RFX3: variants seen among roughly 807,000 people sequenced by gnomAD.
The protein encoded by RFX3 is transcription factor RFX3.
A neutral mutation model predicts 98.6 loss-of-function variants in RFX3; 14 were observed. The ratio of observed to expected loss-of-function variants is 0.14; its 90% CI spans 0.09 to 0.22. RFX3 has a LOEUF of 0.22. RFX3 is among the 10% of genes least tolerant of loss of function. RFX3 has a pLI of 1.00. For missense variants in RFX3, 639 were observed against 926.9 expected, an observed-to-expected ratio of 0.69 and a Z score of 4.03; for synonymous variants, 383 against 328.4, an observed-to-expected ratio of 1.17 and a Z score of -1.80.
chr9:3,388,118 G>A (rs929968479), intron 2 of RFX3, among the ~76,000 whole-genome samples: 14 of 152,022 alleles, frequency 9.2e-5, no homozygotes, highest in African/African-American at 3.4e-4. Context: ...TTTCTTACTG[G>A]TTGTAACGAC....
intron 1 of RFX3, among the ~76,000 whole-genome samples, chr9:3,493,703 ATATATAT>A (rs1564172581): frequency 2.6e-5 from 2 of 76,632 alleles, no homozygotes; most frequent in African/African-American, 1.4e-4. Context: ...AAAAAAAAAT[ATATATAT>A]ATATATATAT....
chr9:3,370,040 C>A (rs13285681), intron 2 of RFX3, among the ~76,000 whole-genome samples: 34,073 of 146,044 alleles, frequency 0.23, 4,715 homozygotes, highest in African/African-American at 0.37. Context: ...ACGGGGTTTC[C>A]CCGTGTTAGC....
At chr9:3,296,685 C>G (rs1586926399) in intron 5 of RFX3, among the ~76,000 whole-genome samples, 1 of 152,018 alleles carries the variant, frequency 6.6e-6, no homozygotes, top group Non-Finnish European at 1.5e-5. Context: ...GAAGGAGGAA[C>G]TGTATTCCTT....
chr9:3,273,019 G>T (rs1824704389), intron 9 of RFX3, among the ~76,000 whole-genome samples: 1 of 152,006 alleles, frequency 6.6e-6, no homozygotes, highest in African/African-American at 2.4e-5. Context: ...TTTCAAAAAA[G>T]ACATTCATAT....
At chr9:3,478,475 T>G (rs1451316687) in intron 1 of RFX3, among the ~76,000 whole-genome samples, 1 of 151,576 alleles carries the variant, frequency 6.6e-6, no homozygotes, top group East Asian at 1.9e-4. Context: ...AAGTCATACC[T>G]GGACCAGTAA....
intron 1 of RFX3, chr9:3,469,288 A>C (rs746276450): frequency 3.0e-6 from 1 of 329,370 alleles, no homozygotes; most frequent in South Asian, 2.5e-5. Flanking sequence ...TTTCATATAC[A>C]TTATTTTCTT....
chr9:3,479,278 T>C (rs753176586), intron 1 of RFX3, among the ~76,000 whole-genome samples: 15 of 152,194 alleles, frequency 9.9e-5, no homozygotes, highest in Non-Finnish European at 1.9e-4. Flanking sequence ...TGTTGTTGTA[T>C]AGGCAGCACA....
At chr9:3,362,214 T>G (rs1836544344) in intron 2 of RFX3, among the ~76,000 whole-genome samples, 1 of 152,228 alleles carries the variant, frequency 6.6e-6, no homozygotes, top group Non-Finnish European at 1.5e-5. Flanking sequence ...TCCTTGCATA[T>G]TCAATGTTAA....
intron 11 of RFX3, among the ~76,000 whole-genome samples, chr9:3,269,716 T>C (rs1824123110): frequency 1.3e-5 from 2 of 152,198 alleles, no homozygotes; most frequent in Admixed American, 1.3e-4. Flanking sequence ...GGGATTACAA[T>C]GCTTGTGTAG....
At chr9:3,472,513 T>G (rs958649932) in intron 1 of RFX3, among the ~76,000 whole-genome samples, 2 of 152,162 alleles carry the variant, frequency 1.3e-5, no homozygotes. Context: ...TTGTTTTACC[T>G]GAAACCAAAA....
At chr9:3,365,172 C>T (rs1203786515) in intron 2 of RFX3, among the ~76,000 whole-genome samples, 1 of 151,826 alleles carries the variant, frequency 6.6e-6, no homozygotes, top group Non-Finnish European at 1.5e-5. Context: ...TGGTGTTGCA[C>T]GCCTGTAGTC....
chr9:3,378,040 AG>A (rs1838744207), intron 2 of RFX3, among the ~76,000 whole-genome samples: 1 of 152,260 alleles, frequency 6.6e-6, no homozygotes, highest in African/African-American at 2.4e-5. Context: ...CAAATATTTA[AG>A]TATCCTGTTC....
chr9:3,356,240 CAG>C (rs1479154818), intron 2 of RFX3, among the ~76,000 whole-genome samples: 4 of 149,350 alleles, frequency 2.7e-5, no homozygotes, highest in African/African-American at 9.9e-5. Context: ...AATATGAAAA[CAG>C]AAAAAAATAA....
intron 4 of RFX3, among the ~76,000 whole-genome samples, chr9:3,322,498 G>A (rs988185383): frequency 2.6e-5 from 4 of 152,102 alleles, no homozygotes; most frequent in Admixed American, 6.5e-5. Flanking sequence ...TTGGGAGGCC[G>A]AGGCAGGTGG....
intron 1 of RFX3, among the ~76,000 whole-genome samples, chr9:3,514,024 C>T (rs181079862): frequency 1.3e-5 from 2 of 152,198 alleles, no homozygotes; most frequent in Admixed American, 6.5e-5. Flanking sequence ...GAATGAATTA[C>T]AATTTTTGTC....
intron 1 of RFX3, among the ~76,000 whole-genome samples, chr9:3,477,063 T>C (rs1284561037): frequency 6.6e-6 from 1 of 152,152 alleles, no homozygotes; most frequent in East Asian, 1.9e-4. Flanking sequence ...GTAATAATTA[T>C]TTTCAGTATA....
In RFX3 at chr9:3,233,700, C is replaced by T. The variant is rs150965969; in HGVS notation, c.1969-4811G>A. Among the ~76,000 whole-genome samples the T allele has an allele frequency of 2.1e-3, 327 of 152,268 alleles. 2 individuals carry two copies. The highest frequency in any genetic ancestry group is 3.0e-3 in the Non-Finnish European group (203 of 68,026). On this transcript the variant is annotated intron_variant, in intron 15 of 16. Coordinates refer to ENST00000617270, the MANE Select transcript of RFX3 (RefSeq NM_001282116.2). ...TAATCATAATCACATTTATGTTATACGTATCATTAATTCTTTGTAAGCACA... is the reference window on the plus strand; with the variant it reads ...TAATCATAATCACATTTATGTTATATGTATCATTAATTCTTTGTAAGCACA...
chr9:3,468,995 G>A (rs940616755), intron 1 of RFX3, among the ~76,000 whole-genome samples: 7 of 151,538 alleles, frequency 4.6e-5, no homozygotes, highest in African/African-American at 1.2e-4. Flanking sequence ...TCAGTTTTTC[G>A]TAATACCCAC....
chr9:3,287,162 T>A (rs573419655), intron 7 of RFX3, among the ~76,000 whole-genome samples: 19 of 151,986 alleles, frequency 1.3e-4, no homozygotes, highest in African/African-American at 3.9e-4. Flanking sequence ...AGTATAAAAT[T>A]ACTGTGTGAT....
Sources: gnomAD v4.1 joint callset for allele counts (sites outside exome capture counted in the v4.1 genomes callset) on GRCh38, gnomAD v4.1.1 for gene constraint, MANE v1.5 for transcripts, NCBI Gene and HGNC (gene_info 2026-07-23, HGNC 2026-07-21) for gene names.